PALD1: variants seen among roughly 807,000 people sequenced by gnomAD.
PALD1 encodes the protein phosphatase domain containing paladin 1.
A neutral mutation model predicts 96.0 loss-of-function variants in PALD1; 57 were observed. The observed-to-expected ratio is 0.59, with a 90% CI of 0.48 to 0.74. The LOEUF (loss-of-function observed/expected upper bound fraction) is 0.74, where lower values mean the gene tolerates loss of function less well. Among genes scored for constraint, PALD1 ranks in the 30% least tolerant of loss-of-function variants. The pLI is 0.00. For synonymous variants in PALD1, 464 were observed against 473.6 expected (o/e 0.98, Z 0.26); for missense variants, 1,063 against 1,143.7 (o/e 0.93, Z 1.02).
rs750480117 is a variant in PALD1 at position 70,529,222 on chromosome 10, C to A, written c.186-7C>A. 131 of 406,758 alleles carry A rather than the reference C, an allele frequency of 3.2e-4. 15 individuals carry two copies. Among genetic ancestry groups the A allele is most frequent in the South Asian group, 8.2e-4 (37 of 45,060 alleles). 25.2% of individuals were successfully genotyped at this position (406,758 alleles called of 1,614,324 possible). A position where few individuals can be genotyped will look rare whatever the true frequency, so the allele number is the denominator to read the frequency against. On this transcript the variant is annotated splice_region_variant and splice_polypyrimidine_tract_variant and intron_variant, in intron 2 of 19. Coordinates refer to ENST00000263563, the MANE Select transcript of PALD1 (RefSeq NM_014431.3). Reference sequence around the variant, plus strand: ...GTTTCCATTCTGCCCCCCCCCCCCCCCCCCAGGTACAACTGCAAGGAGGAG... The same window carrying A: ...GTTTCCATTCTGCCCCCCCCCCCCCACCCCAGGTACAACTGCAAGGAGGAG...
intron 1 of PALD1, among the ~76,000 whole-genome samples, chr10:70,493,173 G>A (rs981398685): frequency 6.6e-6 from 1 of 152,200 alleles, no homozygotes; most frequent in Non-Finnish European, 1.5e-5. Context: ...AGGTTGGAGT[G>A]CAGTGGCATG....
chr10:70,478,005 G>A (rs1845855043), upstream of PALD1, among the ~76,000 whole-genome samples: 1 of 151,362 alleles, frequency 6.6e-6, no homozygotes, highest in Non-Finnish European at 1.5e-5. Flanking sequence ...CGGGCTGGCT[G>A]CCGCCTAGTG....
rs988836588 is a variant in PALD1, at chr10:70,531,448, G to T, written c.627G>T (p.Arg209=). The change falls in exon 5 of 20, where the codon CGG becomes CGT. Residue 209 remains arginine (R), a synonymous_variant. Coordinates refer to ENST00000263563, the MANE Select transcript of PALD1 (RefSeq NM_014431.3). ...TGGAGAGCCTGGAGCTGGCCATCCGGAAAGAGGTGAGGACCAGTGCGGTGT... is the reference window on the plus strand; with the variant it reads ...TGGAGAGCCTGGAGCTGGCCATCCGTAAAGAGGTGAGGACCAGTGCGGTGT... ...VRVESLELAI[R]KEIHDFAQLS... is the part of the protein sequence containing the mutation. 6.2e-7 allele frequency: 1 copy of T among 1,613,242 alleles called. No individual in the cohort carries two copies. The highest frequency in any genetic ancestry group is 8.5e-7 in the Non-Finnish European group (1 of 1,179,576).
intron 1 of PALD1, among the ~76,000 whole-genome samples, chr10:70,499,691 C>G (rs1361289395): frequency 6.6e-6 from 1 of 152,212 alleles, no homozygotes; most frequent in Non-Finnish European, 1.5e-5. Flanking sequence ...GCTTGCTCCC[C>G]TGCCCGAAGC....
In PALD1 at chr10:70,496,959, G is replaced by C. The variant is rs140566166; in HGVS notation, c.-30+17900G>C. Among the ~76,000 whole-genome samples, 899 of 152,258 alleles carry C rather than the reference G, an allele frequency of 5.9e-3. 5 individuals carry two copies. Among genetic ancestry groups the C allele is most frequent in the African/African-American group, 0.021 (871 of 41,554 alleles). On this transcript the variant is annotated intron_variant, in intron 1 of 19. Transcript: ENST00000263563. ...CTCCCACTCCCAGCTGCAGCCTTGTGGGAGAGTGGGCAGGCTGGAGTTGGG... is the reference window on the plus strand; with the variant it reads ...CTCCCACTCCCAGCTGCAGCCTTGTCGGAGAGTGGGCAGGCTGGAGTTGGG...
rs578212707 is a variant in PALD1 at position 70,490,396 on chromosome 10, G to A, written c.-30+11337G>A. ...GCCACCACATCCGGCTAATTTAAAA[G>A]TTTTTTTAATAGAGACAAGGTCTTG... On this transcript the variant is annotated intron_variant, in intron 1 of 19. Coordinates refer to ENST00000263563, the MANE Select transcript of PALD1 (RefSeq NM_014431.3). Among the ~76,000 whole-genome samples the A allele has an allele frequency of 2.6e-5, 4 of 152,224 alleles. No homozygotes were observed. In the East Asian group the frequency reaches 7.7e-4, roughly 29 times the overall value.
chr10:70,469,867 C>G, the PALD1 span, among the ~76,000 whole-genome samples: 3 of 152,206 alleles, frequency 2.0e-5, no homozygotes, highest in African/African-American at 7.2e-5. Context: ...AATCTCGGCT[C>G]GCTGCAACCT....
chr10:70,541,328 G>A, intron 16 of PALD1, 86 bp downstream of exon 16: 1 of 1,534,724 alleles, frequency 6.5e-7, no homozygotes, highest in South Asian at 1.2e-5. Context: ...TCCACAGGAG[G>A]GTGTGAGGGG....
At position 70,539,875 on chromosome 10, in the gene PALD1, G is replaced by A. The variant is rs914284562; in HGVS notation, c.1908+113G>A. 5.4e-5 allele frequency: 49 copies of A among 903,404 alleles called. No homozygotes were observed. The African/African-American group carries it at 5.8e-4, about 11-fold the overall frequency. The allele number at this position is 903,404 out of a possible 1,614,324, so 56.0% of individuals were successfully genotyped here. The stretch of plus-strand genomic sequence containing the variant: ...CGACCCCAGCTTCTCTACGGGGCCC[G>A]GGAATGGTCTCACGAGGTTTTCCGA... On this transcript the variant is annotated intron_variant, in intron 15 of 19. Coordinates refer to ENST00000263563, the MANE Select transcript of PALD1 (RefSeq NM_014431.3). The surrounding 1 kb of genome is among the most constrained non-coding windows in gnomAD (Gnocchi z 4.5).
At chr10:70,500,723 C>T (rs1299192226) in intron 1 of PALD1, among the ~76,000 whole-genome samples, 1 of 152,150 alleles carries the variant, frequency 6.6e-6, no homozygotes, top group Non-Finnish European at 1.5e-5. Context: ...TCAGTTTCCT[C>T]ATCTGTGGAT....
At chr10:70,528,985 A>G (rs990011757) in intron 2 of PALD1, among the ~76,000 whole-genome samples, 1 of 152,058 alleles carries the variant, frequency 6.6e-6, no homozygotes, top group South Asian at 2.1e-4. Flanking sequence ...TGTGACCACA[A>G]TGAGTTGCAA....
chr10:70,508,048 T>C (rs911236804), intron 1 of PALD1, among the ~76,000 whole-genome samples: 3 of 152,204 alleles, frequency 2.0e-5, no homozygotes, highest in East Asian at 3.9e-4. Context: ...GACAAGAAGA[T>C]TGAGCCAGTC....
chr10:70,502,081 T>C (rs1376668085), intron 1 of PALD1, among the ~76,000 whole-genome samples: 5 of 150,460 alleles, frequency 3.3e-5, no homozygotes, highest in Non-Finnish European at 7.4e-5. Flanking sequence ...GGAGCATTAG[T>C]TGAGGCCAGG....
intron 1 of PALD1, among the ~76,000 whole-genome samples, chr10:70,522,568 C>T (rs1013736730): frequency 4.6e-5 from 7 of 152,198 alleles, no homozygotes; most frequent in African/African-American, 7.2e-5. Flanking sequence ...GTGGGCACTG[C>T]CTCACACTCC....
intron 1 of PALD1, among the ~76,000 whole-genome samples, chr10:70,481,747 C>T (rs1471273119): frequency 2.0e-5 from 3 of 152,230 alleles, no homozygotes; most frequent in Non-Finnish European, 4.4e-5. Context: ...AGAGCCACTG[C>T]CCTCTGGGGC....
At chr10:70,514,191 G>A (rs994711283) in intron 1 of PALD1, among the ~76,000 whole-genome samples, 2 of 152,184 alleles carry the variant, frequency 1.3e-5, no homozygotes, top group Non-Finnish European at 2.9e-5. Context: ...TGTCATCTCA[G>A]TGTGTGGCAG....
the PALD1 span, among the ~76,000 whole-genome samples, chr10:70,464,400 G>A: frequency 6.6e-6 from 1 of 151,982 alleles, no homozygotes; most frequent in Admixed American, 6.6e-5. Flanking sequence ...TTTTAGTTGA[G>A]ATGGGGTTTC....
rs774868338 is a variant in PALD1, at chr10:70,501,834, T to TGTGTGTGTGTGTGTGTGTGTGCGC, written c.-30+22776_-30+22777insTGTGTGTGTGTGTGTGTGTGCGCG. On this transcript the variant is annotated intron_variant, in intron 1 of 19. Coordinates refer to ENST00000263563, the MANE Select transcript of PALD1 (RefSeq NM_014431.3). ...TACTCTGTGTGTGTGTGTGTGTGTG[T>TGTGTGTGTGTGTGTGTGTGTGCGC]GCGTGCGTGCATGCATACCTGTGTT... 4.0e-3 allele frequency among the ~76,000 whole-genome samples: 601 copies of TGTGTGTGTGTGTGTGTGTGTGCGC among 149,452 alleles called. 7 individuals carry two copies. The highest frequency in any genetic ancestry group is 5.2e-3 in the Non-Finnish European group (348 of 67,266).
At chr10:70,503,974 A>G (rs980880198) in intron 1 of PALD1, among the ~76,000 whole-genome samples, 15 of 152,244 alleles carry the variant, frequency 9.9e-5, no homozygotes, top group Non-Finnish European at 1.9e-4. Flanking sequence ...ATGCCTGGGA[A>G]GCCTGGCTGC....
Sources: allele counts gnomAD v4.1 joint callset (sites outside exome capture counted in the v4.1 genomes callset), GRCh38; gene constraint gnomAD v4.1.1; non-coding constraint Gnocchi (gnomAD v3.1); transcripts MANE v1.5; gene names NCBI Gene and HGNC (gene_info 2026-07-23, HGNC 2026-07-21).